The following ZFAND4 variants were observed in gnomAD, a reference collection of about 807,000 sequenced individuals.
ZFAND4 encodes the protein AN1-type zinc finger protein 4.
ZFAND4 carries 43 observed loss-of-function variants against 64.4 expected under a neutral mutation model. That is an observed-to-expected ratio of 0.67 (90% CI 0.52 to 0.86). The LOEUF (loss-of-function observed/expected upper bound fraction) is 0.86. ZFAND4 is among the 40% of genes least tolerant of loss of function. The probability of loss-of-function intolerance (pLI) is 0.00; values close to 1 mark genes in which losing one functional copy is unlikely to be tolerated. For synonymous variants in ZFAND4, 296 were observed against 305.7 expected (o/e 0.97, Z 0.33); for missense variants, 929 against 859.8 (o/e 1.08, Z -1.01).
At chr10:45,645,336 T>TATCTG (rs1311116563) in intron 5 of ZFAND4, among the ~76,000 whole-genome samples, 1 of 152,168 alleles carries the variant, frequency 6.6e-6, no homozygotes, top group Non-Finnish European at 1.5e-5. Context: ...TCATGGTAAA[T>TATCTG]ATCTGAGTCT....
At chr10:45,655,539 A>C (rs2133811708) in intron 2 of ZFAND4, among the ~76,000 whole-genome samples, 1 of 152,362 alleles carries the variant, frequency 6.6e-6, no homozygotes, top group South Asian at 2.1e-4. Flanking sequence ...AATTGAATGG[A>C]AACAAAAAAT....
At chr10:45,640,295 T>C in intron 5 of ZFAND4, 2 of 1,239,080 alleles carry the variant, frequency 1.6e-6, no homozygotes, top group Non-Finnish European at 2.1e-6. Context: ...TGATTTCATT[T>C]TATCAGCCAA....
At chr10:45,625,809 A>C in intron 7 of ZFAND4, 142 bp downstream of exon 7, 1 of 882,530 alleles carries the variant, frequency 1.1e-6, no homozygotes, top group South Asian at 1.9e-5. Flanking sequence ...ATTTTATACA[A>C]ACTAAATAAA....
At chr10:45,649,780 A>G (rs1311860229) in intron 4 of ZFAND4, 2 of 152,254 alleles carry the variant, frequency 1.3e-5, no homozygotes, top group Non-Finnish European at 2.9e-5. Context: ...AGAGATAAAA[A>G]TTTGGATCAG....
chr10:45,642,153 T>G (rs2047043729), intron 5 of ZFAND4, among the ~76,000 whole-genome samples: 1 of 152,214 alleles, frequency 6.6e-6, no homozygotes, highest in Non-Finnish European at 1.5e-5. Flanking sequence ...TTGCAATATT[T>G]TAACCTTAAA....
chr10:45,669,098 A>G (rs969426236), intron 1 of ZFAND4, among the ~76,000 whole-genome samples: 2 of 152,246 alleles, frequency 1.3e-5, no homozygotes, highest in African/African-American at 4.8e-5. Flanking sequence ...CAAAAAATCA[A>G]TGAATCTGAG....
In ZFAND4 at chr10:45,618,149, T is replaced by C; in HGVS notation, c.2039A>G (p.Tyr680Cys). 6.2e-7 allele frequency: 1 copy of C among 1,608,496 alleles called. No individual in the cohort carries two copies. Among genetic ancestry groups the C allele is most frequent in the Non-Finnish European group, 8.5e-7 (1 of 1,178,668 alleles). Residue 680 changes from tyrosine (Y) to cysteine (C), a missense_variant, in exon 9 of 10, where the codon TAC (tyrosine) becomes TGC (cysteine). By Grantham distance (194) the Tyr-to-Cys change is radical. Coordinates refer to ENST00000344646, the MANE Select transcript of ZFAND4 (RefSeq NM_174890.4). ...CAGCTCGCCAACCTGCCTGCATTCG[T>C]AGCTACTAGCCAGTCCTGTTTTCTT... Reference protein sequence around the residue: ...CGKKTGLASSYECRCGNNFCA... With the variant: ...CGKKTGLASSCECRCGNNFCA...
At position 45,626,539 on chromosome 10, in the gene ZFAND4, G is replaced by A; in HGVS notation, c.1284C>T (p.Leu428=). 6.2e-7 allele frequency: 1 copy of A among 1,614,086 alleles called. No individual in the cohort carries two copies. The highest frequency in any genetic ancestry group is 2.2e-5 in the East Asian group (1 of 44,886). The change falls in exon 7 of 10, where the codon CTC becomes CTT. Residue 428 remains leucine (L), a synonymous_variant. Coordinates refer to ENST00000344646, the MANE Select transcript of ZFAND4 (RefSeq NM_174890.4). ...CTTTCAACCCTTTGTCAGCATTAGTGAGTAGCAACTCCAGATTCACTTTGC... is the reference window on the plus strand; with the variant it reads ...CTTTCAACCCTTTGTCAGCATTAGTAAGTAGCAACTCCAGATTCACTTTGC... The part of the protein sequence containing the change: ...GACKVNLELL[L]TNADKGLKAP...
Position 45,640,193 on chromosome 10 carries a change from G to A in ZFAND4, c.570-230C>T, listed in dbSNP as rs147960912. On this transcript the variant is annotated intron_variant, in intron 5 of 9. Transcript: ENST00000344646. Reference sequence around the variant, plus strand: ...ATTACTGAAAATCTAGTATAGCTGAGCTTCTCTGAATTCAGTATATCATAA... The same window carrying A: ...ATTACTGAAAATCTAGTATAGCTGAACTTCTCTGAATTCAGTATATCATAA... The A allele has an allele frequency of 8.0e-5, 100 of 1,245,676 alleles. No individual in the cohort carries two copies. In the African/African-American group the frequency reaches 1.5e-3, roughly 18 times the overall value. The allele number at this position is 1,245,676 out of a possible 1,614,324, so 77.2% of individuals were successfully genotyped here. A position where few individuals can be genotyped will look rare whatever the true frequency, so the allele number is the denominator to read the frequency against.
chr10:45,632,155 C>T (rs1010807339), intron 6 of ZFAND4, among the ~76,000 whole-genome samples: 1 of 152,066 alleles, frequency 6.6e-6, no homozygotes, highest in Admixed American at 6.6e-5. Context: ...GAGTTCGAGA[C>T]CAGCCTGGCC....
At position 45,626,958 on chromosome 10, in the gene ZFAND4, G is replaced by T; in HGVS notation, c.865C>A (p.Pro289Thr). 1 of 1,614,188 alleles carries T rather than the reference G, an allele frequency of 6.2e-7. No homozygotes were observed. The highest frequency in any genetic ancestry group is 8.5e-7 in the Non-Finnish European group (1 of 1,180,028). The change falls in exon 7 of 10, where the codon CCC (proline) becomes ACC (threonine). Residue 289 changes from proline (P) to threonine (T), a missense_variant. Pro to Thr is a conservative substitution (Grantham distance 38). Coordinates refer to ENST00000344646, the MANE Select transcript of ZFAND4 (RefSeq NM_174890.4). ...GAAATTCCATTCCTGGAGATTTCGGGCGGATATGCATTCCCAAAAGCAGGT... is the reference window on the plus strand; with the variant it reads ...GAAATTCCATTCCTGGAGATTTCGGTCGGATATGCATTCCCAAAAGCAGGT... ...CSPAFGNAYPPEISRNGISSL... is the reference protein window; with the variant it reads ...CSPAFGNAYPTEISRNGISSL...
In ZFAND4 at chr10:45,616,497, C is replaced by T. The variant is rs1387287431; in HGVS notation, c.2123G>A (p.Gly708Glu). Residue 708 changes from glycine (G) to glutamate (E), a missense_variant, in exon 10 of 10, where the codon GGG becomes GAG. Coordinates refer to ENST00000344646, the MANE Select transcript of ZFAND4 (RefSeq NM_174890.4). ...HGCTYDYKSA[G>E]RRYLHEANPV... Reference sequence around the variant, plus strand: ...ATTTGCCTCGTGCAAGTATCTCCTCCCTGCACTCTTGTAATCATAGGTACA... The same window carrying T: ...ATTTGCCTCGTGCAAGTATCTCCTCTCTGCACTCTTGTAATCATAGGTACA... 6.2e-7 allele frequency: 1 copy of T among 1,614,142 alleles called. No homozygotes were observed.
chr10:45,623,701 G>A (rs1454976594), intron 8 of ZFAND4, among the ~76,000 whole-genome samples: 1 of 152,054 alleles, frequency 6.6e-6, no homozygotes, highest in Non-Finnish European at 1.5e-5. Context: ...AGAGAAAGGT[G>A]GTGGTGATGG....
chr10:45,637,072 G>A (rs2046652154), intron 6 of ZFAND4, among the ~76,000 whole-genome samples: 1 of 151,792 alleles, frequency 6.6e-6, no homozygotes. Context: ...TGGGCGCGGT[G>A]GCTCGCTCCT....
At chr10:45,631,758 C>T (rs1269938331) in intron 6 of ZFAND4, among the ~76,000 whole-genome samples, 2 of 152,052 alleles carry the variant, frequency 1.3e-5, no homozygotes, top group African/African-American at 4.8e-5. Flanking sequence ...TTATGGATAT[C>T]CCAATTACAC....
chr10:45,645,227 A>T (rs2047298225), intron 5 of ZFAND4, among the ~76,000 whole-genome samples: 1 of 152,086 alleles, frequency 6.6e-6, no homozygotes, highest in Admixed American at 6.6e-5. Flanking sequence ...CCCACCTTCC[A>T]AAAGTGCTGG....
intron 2 of ZFAND4, among the ~76,000 whole-genome samples, chr10:45,658,747 T>C (rs1589418310): frequency 6.6e-6 from 1 of 152,224 alleles, no homozygotes; most frequent in African/African-American, 2.4e-5. Flanking sequence ...AACACTGACA[T>C]TCAACTTACC....
chr10:45,668,455 T>C (rs983644626), intron 1 of ZFAND4, among the ~76,000 whole-genome samples: 1 of 152,232 alleles, frequency 6.6e-6, no homozygotes, highest in African/African-American at 2.4e-5. Context: ...CCATTGATGC[T>C]GTGAAGAAAC....
chr10:45,642,370 G>A (rs1392812771), intron 5 of ZFAND4, among the ~76,000 whole-genome samples: 1 of 152,022 alleles, frequency 6.6e-6, no homozygotes, highest in Non-Finnish European at 1.5e-5. Context: ...CACTTTGGGA[G>A]GCCGAGGCGG....
Sources: gnomAD v4.1 joint callset for allele counts (sites outside exome capture counted in the v4.1 genomes callset) on GRCh38, gnomAD v4.1.1 for gene constraint, MANE v1.5 for transcripts, NCBI Gene and HGNC (gene_info 2026-07-23, HGNC 2026-07-21) for gene names.